Variants in CRY2 observed in about 807,000 individuals in gnomAD.
CRY2 encodes the protein cryptochrome-2.
A neutral mutation model predicts 69.5 loss-of-function variants in CRY2; 31 were observed. That is an observed-to-expected ratio of 0.45 (90% confidence interval 0.34 to 0.60). The LOEUF (loss-of-function observed/expected upper bound fraction) is 0.60. Ranked by LOEUF, CRY2 falls within the 20% of genes least tolerant of loss-of-function variation. The pLI is 0.02. For synonymous variants in CRY2, 303 were observed against 312.2 expected (o/e 0.97, Z 0.31); for missense variants, 606 against 797.8 (o/e 0.76, Z 2.90).
In CRY2 at chr11:45,860,927, A is replaced by G. The variant is rs754592799; in HGVS notation, c.547A>G (p.Lys183Glu). 6.2e-7 allele frequency: 1 copy of G among 1,614,156 alleles called. No homozygotes were observed. Among genetic ancestry groups the G allele is most frequent in the Non-Finnish European group, 8.5e-7 (1 of 1,180,040 alleles). Residue 183 changes from lysine (K) to glutamate (E), a missense_variant, in exon 4 of 12, where the codon AAG becomes GAG. This residue lies in a region of CRY2 where 382 missense variants were observed against 508.9 expected (regional missense o/e 0.75). Coordinates refer to ENST00000616080, the MANE Select transcript of CRY2 (RefSeq NM_021117.5). ...CATCATCAGCCGCATGGAGCTGCCC[A>G]AGAAGCCAGTGGGCTTGGTGACCAG... ...QAIISRMELP[K>E]KPVGLVTSQQ...
chr11:45,856,250 G>A, intron 2 of CRY2, 160 bp downstream of exon 2: 1 of 625,816 alleles, frequency 1.6e-6, no homozygotes, highest in South Asian at 2.1e-5. Context: ...CAGTTAGCTT[G>A]CTCTTGGAAT....
At chr11:45,868,836 A>G (rs1317363319) in intron 6 of CRY2, among the ~76,000 whole-genome samples, 1 of 151,438 alleles carries the variant, frequency 6.6e-6, no homozygotes, top group Non-Finnish European at 1.5e-5. Context: ...GGGTTTTTCC[A>G]TGTTGCCCAG....
At chr11:45,869,471 A>G (rs199818339) in intron 6 of CRY2, 35 bp from the exon 7 acceptor site, 2 of 1,569,982 alleles carry the variant, frequency 1.3e-6, no homozygotes, top group African/African-American at 2.7e-5. Context: ...GAGCTGGGCG[A>G]GTGTTTGTAT....
At chr11:45,853,206 T>C (rs1214433859) in intron 1 of CRY2, among the ~76,000 whole-genome samples, 1 of 152,214 alleles carries the variant, frequency 6.6e-6, no homozygotes, top group Non-Finnish European at 1.5e-5. Context: ...ACCTACTTGA[T>C]TGGGCTGTTT....
chr11:45,847,254 C>T, upstream of CRY2: 1 of 1,551,590 alleles, frequency 6.4e-7, no homozygotes, highest in Non-Finnish European at 8.7e-7. Flanking sequence ...GTCCGCATGC[C>T]AGCTCCACCC....
At chr11:45,851,851 C>G (rs1382270048) in intron 1 of CRY2, among the ~76,000 whole-genome samples, 1 of 152,152 alleles carries the variant, frequency 6.6e-6, no homozygotes, top group East Asian at 1.9e-4. Flanking sequence ...TGTTAGATAA[C>G]CTTGCCTTGA....
chr11:45,849,996 GTTTTGTT>G (rs1221479285), intron 1 of CRY2, among the ~76,000 whole-genome samples: 2 of 128,200 alleles, frequency 1.6e-5, no homozygotes, highest in East Asian at 4.1e-4. Context: ...TTTTTGTTTT[GTTTTGTT>G]TTTTGTTTTT....
chr11:45,856,519 G>A (rs4756036), intron 2 of CRY2, among the ~76,000 whole-genome samples: 6 of 152,068 alleles, frequency 3.9e-5, no homozygotes, highest in Non-Finnish European at 5.9e-5. Flanking sequence ...CTTTTCTGCC[G>A]GGCGAGGTGG....
rs574658246 is a variant in CRY2 at position 45,850,160 on chromosome 11, C to A, written c.215+2455C>A. Among the ~76,000 whole-genome samples, 4 of 152,128 alleles carry A rather than the reference C, an allele frequency of 2.6e-5. No homozygotes were observed. In the South Asian group the frequency reaches 8.3e-4, roughly 32 times the overall value. On this transcript the variant is annotated intron_variant, in intron 1 of 11. Transcript: ENST00000616080. ...AGTAGCTGGGACTGCAGGCATGCAC[C>A]ACCATGCCTGGCTAATTTTTGTATT...
At chr11:45,861,648 G>A in intron 4 of CRY2, 1 of 187,862 alleles carries the variant, frequency 5.3e-6, no homozygotes, top group Non-Finnish European at 1.1e-5. Flanking sequence ...CACCATGTTG[G>A]CCAGGCTGGT....
At chr11:45,848,900 G>A (rs1020066701) in intron 1 of CRY2, among the ~76,000 whole-genome samples, 12 of 152,184 alleles carry the variant, frequency 7.9e-5, no homozygotes, top group African/African-American at 1.2e-4. Flanking sequence ...AAGGAGTCCT[G>A]TGGAGAGCCT....
intron 1 of CRY2, among the ~76,000 whole-genome samples, chr11:45,847,907 C>G (rs1254153641): frequency 1.3e-5 from 2 of 152,228 alleles, no homozygotes; most frequent in Non-Finnish European, 2.9e-5. Flanking sequence ...CGCACTGTTA[C>G]CCCTTTGAGC....
intron 1 of CRY2, among the ~76,000 whole-genome samples, chr11:45,854,235 T>C (rs553737507): frequency 2.4e-4 from 36 of 152,356 alleles, no homozygotes; most frequent in African/African-American, 7.5e-4. Context: ...CTGTGACATA[T>C]GCAGATTGAC....
rs372188632 is a variant in CRY2 at position 45,872,080 on chromosome 11, G to A, written c.1643-12G>A. Reference sequence around the variant, plus strand: ...CACAGTCTGTGTGACCCTTTGACACGCTTCCCTACAGGCCCAAGACCACTA... The same window carrying A: ...CACAGTCTGTGTGACCCTTTGACACACTTCCCTACAGGCCCAAGACCACTA... On this transcript the variant is annotated splice_polypyrimidine_tract_variant and intron_variant, in intron 10 of 11. Transcript: ENST00000616080. 84 of 1,613,632 alleles carry A rather than the reference G, an allele frequency of 5.2e-5. 1 individual carries two copies. In the East Asian group the frequency reaches 1.3e-3, roughly 26 times the overall value.
intron 4 of CRY2, chr11:45,861,451 T>C (rs913488673): frequency 5.9e-6 from 1 of 168,960 alleles, no homozygotes; most frequent in Non-Finnish European, 1.3e-5. Context: ...ACCTTTTTTT[T>C]TTCTTTTTTA....
Position 45,882,235 on chromosome 11 carries a change from C to T in CRY2, c.*1324C>T, listed in dbSNP as rs758802078. On this transcript the variant is annotated 3_prime_UTR_variant, in exon 12 of 12. Coordinates refer to ENST00000616080, the MANE Select transcript of CRY2 (RefSeq NM_021117.5). ...GGCCAACTAAAGCAAGTCTTCCTTC[C>T]ACCCTGTGGCCTGCACTTGAGCCAC... 228 of 176,072 alleles carry T rather than the reference C, an allele frequency of 1.3e-3. No homozygotes were observed. Among genetic ancestry groups the T allele is most frequent in the Middle Eastern group, 2.3e-3 (1 of 440 alleles). 10.9% of individuals were successfully genotyped at this position (176,072 alleles called of 1,614,324 possible). A position where few individuals can be genotyped will look rare whatever the true frequency, so the allele number is the denominator to read the frequency against.
chr11:45,851,460 A>C (rs900371324), intron 1 of CRY2, among the ~76,000 whole-genome samples: 1 of 152,122 alleles, frequency 6.6e-6, no homozygotes, highest in Non-Finnish European at 1.5e-5. Context: ...ACACTGTTGG[A>C]CTGTTGGGAA....
rs889961766 is a variant in CRY2 at position 45,882,467 on chromosome 11, C to T, written c.*1556C>T. ...TCCCTCACTGTCCTCTGTCCTTGGA[C>T]CAGAACCCTGGGGTCAGACCCATCT... On this transcript the variant is annotated 3_prime_UTR_variant, in exon 12 of 12. Transcript: ENST00000616080. 2.5e-6 allele frequency: 1 copy of T among 397,588 alleles called. No individual in the cohort carries two copies. The highest frequency in any genetic ancestry group is 4.4e-5 in the Admixed American group (1 of 22,712). 24.6% of individuals were successfully genotyped at this position (397,588 alleles called of 1,614,324 possible).
intron 1 of CRY2, among the ~76,000 whole-genome samples, chr11:45,852,892 C>A (rs1029401759): frequency 3.3e-5 from 5 of 152,196 alleles, no homozygotes; most frequent in African/African-American, 1.2e-4. Context: ...CAACAGACTC[C>A]TGGGTGTTTC....
Sources: gnomAD v4.1 joint callset for allele counts (sites outside exome capture counted in the v4.1 genomes callset) on GRCh38, gnomAD v4.1.1 for gene constraint, gnomAD v4.1.1 regional missense constraint, MANE v1.5 for transcripts, NCBI Gene and HGNC (gene_info 2026-07-23, HGNC 2026-07-21) for gene names.